ANKDD1B: variants seen among roughly 807,000 people sequenced by gnomAD.
The protein encoded by ANKDD1B is ankyrin repeat and death domain containing 1B.
In ANKDD1B, 57 loss-of-function variants were observed where a neutral mutation model predicts 59.7. That is an observed-to-expected ratio of 0.95 (90% CI 0.77 to 1.19). The LOEUF is 1.19. Among genes scored for constraint, ANKDD1B ranks in the 50% most tolerant of loss-of-function variants. The pLI is 0.00. For missense variants in ANKDD1B, 602 were observed against 641.9 expected (o/e 0.94, Z 0.67); for synonymous variants, 216 against 239.5 (o/e 0.90, Z 0.91).
chr5:75,612,465 G>T (rs1044806144), intron 1 of ANKDD1B, among the ~76,000 whole-genome samples: 13 of 149,492 alleles, frequency 8.7e-5, no homozygotes, highest in African/African-American at 3.0e-4. Context: ...CAGTACTCAA[G>T]CCTCTTAACG....
intron 9 of ANKDD1B, among the ~76,000 whole-genome samples, chr5:75,657,000 C>G (rs1774996425): frequency 1.3e-5 from 2 of 152,356 alleles, no homozygotes; most frequent in South Asian, 4.1e-4. Flanking sequence ...ACTTCGGTCC[C>G]TTCTCTCCTC....
intron 11 of ANKDD1B, among the ~76,000 whole-genome samples, chr5:75,666,293 G>A (rs558050148): frequency 9.9e-5 from 15 of 152,262 alleles, no homozygotes; most frequent in South Asian, 2.1e-4. Context: ...CCCAGCCTGA[G>A]CTAGGCTCCT....
intron 13 of ANKDD1B, 148 bp downstream of exon 13, chr5:75,669,531 G>C: frequency 1.6e-6 from 1 of 622,874 alleles, no homozygotes; most frequent in Non-Finnish European, 2.3e-6. Context: ...GGGCTTGTAA[G>C]CTGTCAGCAG....
Position 75,634,916 on chromosome 5 carries a change from C to T in ANKDD1B, c.619C>T (p.Leu207Phe), listed in dbSNP as rs1432010444. 9.1e-6 allele frequency: 14 copies of T among 1,534,126 alleles called. No homozygotes were observed. Among genetic ancestry groups the T allele is most frequent in the Non-Finnish European group, 1.1e-5 (13 of 1,145,260 alleles). ...TTTTTAGAAAGGAAGAAAACCATTTCTTTTGGCAGCTGAGAGGGGCCATGT... is the reference window on the plus strand; with the variant it reads ...TTTTTAGAAAGGAAGAAAACCATTTTTTTTGGCAGCTGAGAGGGGCCATGT... Reference protein sequence around the residue: ...QPDEKGRKPFLLAAERGHVEM... With the variant: ...QPDEKGRKPFFLAAERGHVEM... The change falls in exon 6 of 14, where the codon CTT (leucine) becomes TTT (phenylalanine). Residue 207 changes from leucine (L) to phenylalanine (F), a missense_variant. Around this residue, in one of 3 missense-constraint regions of ANKDD1B, gnomAD observed 317 missense variants for 304.6 expected, o/e 1.04. Transcript: ENST00000601380.
At chr5:75,637,159 C>T (rs184284072) in intron 7 of ANKDD1B, among the ~76,000 whole-genome samples, 102 of 140,490 alleles carry the variant, frequency 7.3e-4, no homozygotes, top group Middle Eastern at 3.8e-3. Flanking sequence ...GCAGGAGAGT[C>T]GCTTGAACCC....
intron 10 of ANKDD1B, among the ~76,000 whole-genome samples, chr5:75,661,706 T>C (rs947930768): frequency 3.3e-5 from 5 of 152,286 alleles, no homozygotes; most frequent in Admixed American, 3.3e-4. Context: ...GTGGACTAGA[T>C]ATTCCAGTAA....
At chr5:75,649,985 A>C (rs547773581) in intron 7 of ANKDD1B, among the ~76,000 whole-genome samples, 1 of 152,298 alleles carries the variant, frequency 6.6e-6, no homozygotes, top group East Asian at 1.9e-4. Flanking sequence ...AGTGCTCAAT[A>C]TATTTTTTGT....
chr5:75,625,298 A>G (rs1214395625), intron 3 of ANKDD1B, among the ~76,000 whole-genome samples: 1 of 152,168 alleles, frequency 6.6e-6, no homozygotes, highest in African/African-American at 2.4e-5. Flanking sequence ...AAAATCTGTC[A>G]TTTTTAATTG....
intron 11 of ANKDD1B, among the ~76,000 whole-genome samples, chr5:75,663,868 G>A (rs115764360): frequency 1.3e-3 from 196 of 152,282 alleles, no homozygotes; most frequent in African/African-American, 4.5e-3. Context: ...TGTGTGGCTC[G>A]GCAGTTTTCA....
At chr5:75,651,187 C>T (rs1774820349) in intron 7 of ANKDD1B, among the ~76,000 whole-genome samples, 1 of 152,158 alleles carries the variant, frequency 6.6e-6, no homozygotes, top group Non-Finnish European at 1.5e-5. Context: ...GAAATAAACC[C>T]CACCTCTTGA....
chr5:75,624,558 C>T (rs1773940035), intron 3 of ANKDD1B, among the ~76,000 whole-genome samples: 1 of 152,206 alleles, frequency 6.6e-6, no homozygotes, highest in Non-Finnish European at 1.5e-5. Context: ...CATGTGTTTG[C>T]ACACAGACAA....
rs544228661 is a variant in ANKDD1B, at chr5:75,625,448, G to A, written c.397-199G>A. On this transcript the variant is annotated intron_variant, in intron 3 of 13. Transcript: ENST00000601380. ...CTTTTCATTTTATTTTCTTCCAGAT[G>A]GAGAACCACTTGCCTGTACCACTTA... Among the ~76,000 whole-genome samples, 19 of 152,180 alleles carry A rather than the reference G, an allele frequency of 1.2e-4. No homozygotes were observed. The East Asian group carries it at 3.5e-3, about 28-fold the overall frequency.
chr5:75,613,786 C>T (rs984379822), intron 1 of ANKDD1B, among the ~76,000 whole-genome samples: 1 of 152,114 alleles, frequency 6.6e-6, no homozygotes, highest in Non-Finnish European at 1.5e-5. Flanking sequence ...GTAAGCTTTT[C>T]CTGCAGCAAT....
chr5:75,667,001 C>G lies in ANKDD1B; in HGVS notation c.1393+8C>G. On this transcript the variant is annotated splice_region_variant and intron_variant, in intron 12 of 13. Transcript: ENST00000601380. ...TTGAGGAGCAGTGGTCGGGTGAGTACAGACTAGATGATGTGGGCAGGAGGA... is the reference window on the plus strand; with the variant it reads ...TTGAGGAGCAGTGGTCGGGTGAGTAGAGACTAGATGATGTGGGCAGGAGGA... 6.9e-7 allele frequency: 1 copy of G among 1,440,166 alleles called. No homozygotes were observed. Among genetic ancestry groups the G allele is most frequent in the Non-Finnish European group, 9.1e-7 (1 of 1,100,564 alleles). The allele number at this position is 1,440,166 out of a possible 1,614,324, so 89.2% of individuals were successfully genotyped here.
At chr5:75,656,502 T>C (rs1480070962) in intron 9 of ANKDD1B, among the ~76,000 whole-genome samples, 1 of 152,222 alleles carries the variant, frequency 6.6e-6, no homozygotes, top group Non-Finnish European at 1.5e-5. Context: ...AAGGAAGCTT[T>C]GTTTCTATAT....
chr5:75,662,780 T>C (rs1271636810), intron 10 of ANKDD1B, among the ~76,000 whole-genome samples: 2 of 152,054 alleles, frequency 1.3e-5, no homozygotes, highest in Non-Finnish European at 2.9e-5. Flanking sequence ...CCCTTGTTGA[T>C]CATTCCATTT....
chr5:75,615,473 G>A (rs1361614304), intron 1 of ANKDD1B, among the ~76,000 whole-genome samples: 1 of 152,094 alleles, frequency 6.6e-6, no homozygotes, highest in Non-Finnish European at 1.5e-5. Context: ...ATGAACATGT[G>A]AATCTGCATG....
intron 7 of ANKDD1B, among the ~76,000 whole-genome samples, chr5:75,651,234 G>C (rs1774821457): frequency 6.6e-6 from 1 of 152,234 alleles, no homozygotes; most frequent in Non-Finnish European, 1.5e-5. Context: ...AGAGGAGCCT[G>C]TGGGACAGGA....
intron 9 of ANKDD1B, among the ~76,000 whole-genome samples, chr5:75,656,345 C>A (rs888927522): frequency 4.6e-5 from 7 of 152,126 alleles, no homozygotes; most frequent in Non-Finnish European, 1.0e-4. Context: ...TCAGCCATTG[C>A]GTGATTAAAT....
Sources: gnomAD v4.1 joint callset for allele counts (sites outside exome capture counted in the v4.1 genomes callset) on GRCh38, gnomAD v4.1.1 for gene constraint, gnomAD v4.1.1 regional missense constraint, MANE v1.5 for transcripts, NCBI Gene and HGNC (gene_info 2026-07-23, HGNC 2026-07-21) for gene names.